LYRM4: variants seen among roughly 807,000 people sequenced by gnomAD.
LYRM4 encodes the protein LYR motif-containing protein 4.
Under a neutral mutation model 11.7 loss-of-function variants are expected in LYRM4, and 9 were observed. That is an observed-to-expected ratio of 0.77 (90% confidence interval 0.46 to 1.34). LYRM4 has a LOEUF of 1.34. LYRM4 is among the 40% of genes most tolerant of loss of function. LYRM4 has a pLI of 0.00. For missense variants in LYRM4, 133 were observed against 112.5 expected (o/e 1.18, Z -0.82); for synonymous variants, 42 against 40.4 (o/e 1.04, Z -0.15).
At chr6:5,133,241 C>T (rs546591441) in intron 2 of LYRM4, among the ~76,000 whole-genome samples, 3 of 152,258 alleles carry the variant, frequency 2.0e-5, no homozygotes, top group Admixed American at 6.5e-5. Flanking sequence ...TCAAGATGAT[C>T]GATCGTTTTC....
At chr6:5,154,803 A>C (rs1004378983) in intron 2 of LYRM4, among the ~76,000 whole-genome samples, 2 of 152,134 alleles carry the variant, frequency 1.3e-5, no homozygotes, top group African/African-American at 2.4e-5. Context: ...TGGGCGACAG[A>C]GCGAGACTCC....
At chr6:5,199,447 G>A (rs1761259155) in intron 2 of LYRM4, among the ~76,000 whole-genome samples, 1 of 152,154 alleles carries the variant, frequency 6.6e-6, no homozygotes, top group African/African-American at 2.4e-5. Context: ...AATTGATCAT[G>A]GTGATGGTTG....
chr6:5,255,197 G>A (rs1479159671), intron 1 of LYRM4, among the ~76,000 whole-genome samples: 1 of 152,200 alleles, frequency 6.6e-6, no homozygotes, highest in Non-Finnish European at 1.5e-5. Flanking sequence ...GGGGGTCTCT[G>A]AGACCTTTCA....
At chr6:5,127,148 C>T (rs1303687324) in intron 2 of LYRM4, among the ~76,000 whole-genome samples, 1 of 152,172 alleles carries the variant, frequency 6.6e-6, no homozygotes, top group Non-Finnish European at 1.5e-5. Context: ...TGGGATTTCA[C>T]CATGTTGGCC....
At chr6:5,183,776 G>C (rs1760218774) in intron 2 of LYRM4, among the ~76,000 whole-genome samples, 1 of 152,142 alleles carries the variant, frequency 6.6e-6, no homozygotes, top group Non-Finnish European at 1.5e-5. Context: ...AAATAAGAAG[G>C]CAAGCCTGAA....
chr6:5,166,362 A>G (rs576215386), intron 2 of LYRM4, among the ~76,000 whole-genome samples: 1 of 152,346 alleles, frequency 6.6e-6, no homozygotes, highest in South Asian at 2.1e-4. Context: ...TGAGTGTTTG[A>G]CAATCATTTT....
chr6:5,116,707 G>C (rs575171969), intron 2 of LYRM4, among the ~76,000 whole-genome samples: 58 of 152,298 alleles, frequency 3.8e-4, no homozygotes, highest in African/African-American at 1.4e-3. Context: ...ATTCTATTAA[G>C]TTTAGGGAGT....
At chr6:5,090,015 GAC>G in the LYRM4 span, among the ~76,000 whole-genome samples, 48 of 149,738 alleles carry the variant, frequency 3.2e-4, no homozygotes, top group African/African-American at 4.2e-4. This position sits in a 1 kb window ranked among gnomAD's most constrained non-coding sequence, Gnocchi z 4.8. Context: ...CTGAAAGGAA[GAC>G]ACACACACAC....
chr6:5,139,678 A>G (rs1034627668), intron 2 of LYRM4, among the ~76,000 whole-genome samples: 1 of 152,156 alleles, frequency 6.6e-6, no homozygotes, highest in Non-Finnish European at 1.5e-5. Flanking sequence ...TAGGCAGCCA[A>G]TTGTTCAAAC....
At chr6:5,120,457 G>T (rs769313695) in intron 2 of LYRM4, among the ~76,000 whole-genome samples, 5 of 152,164 alleles carry the variant, frequency 3.3e-5, no homozygotes, top group Non-Finnish European at 5.9e-5. Context: ...TACCGTGAGT[G>T]TTACAACTCT....
At chr6:5,145,448 CAT>C (rs1350656007) in intron 2 of LYRM4, among the ~76,000 whole-genome samples, 7 of 152,318 alleles carry the variant, frequency 4.6e-5, no homozygotes, top group African/African-American at 1.4e-4. Context: ...ATTAATAAAA[CAT>C]GTGCTTAATT....
chr6:5,142,372 A>G (rs1365719775), intron 2 of LYRM4, among the ~76,000 whole-genome samples: 1 of 152,182 alleles, frequency 6.6e-6, no homozygotes, highest in Non-Finnish European at 1.5e-5. Context: ...ATCAACCTCC[A>G]GACAGCTAAG....
chr6:5,085,421 A>T, the LYRM4 span: 4 of 1,206,804 alleles, frequency 3.3e-6, no homozygotes, highest in Non-Finnish European at 4.6e-6. Context: ...CCACGGCCCG[A>T]GGAGTTAGTT....
the LYRM4 span, chr6:5,089,158 T>C: frequency 6.6e-6 from 1 of 152,222 alleles, no homozygotes; most frequent in Admixed American, 6.5e-5. Context: ...AACTAATGAA[T>C]ACTTAATTCA....
chr6:5,260,611 G>GGCCCCC, intron 1 of LYRM4, 37 bp downstream of exon 1: 1 of 1,377,682 alleles, frequency 7.3e-7, no homozygotes, highest in Non-Finnish European at 9.8e-7. Flanking sequence ...CCGGCCCCTG[G>GGCCCCC]CCCCCCGCCC....
At chr6:5,200,281 T>C (rs1218513609) in intron 2 of LYRM4, among the ~76,000 whole-genome samples, 1 of 152,164 alleles carries the variant, frequency 6.6e-6, no homozygotes, top group Non-Finnish European at 1.5e-5. Context: ...GAATGTTAAA[T>C]AACATCTCCC....
chr6:5,180,869 A>G (rs1760031058), intron 2 of LYRM4, among the ~76,000 whole-genome samples: 1 of 152,188 alleles, frequency 6.6e-6, no homozygotes, highest in Non-Finnish European at 1.5e-5. Context: ...CTAGTGAAGT[A>G]TGTCACTCAC....
the LYRM4 span, among the ~76,000 whole-genome samples, chr6:5,071,542 A>ATATGTG: frequency 1.3e-5 from 2 of 150,314 alleles, no homozygotes; most frequent in Admixed American, 6.6e-5. Context: ...TTATATATAT[A>ATATGTG]TGTGTGTGTG....
intron 2 of LYRM4, among the ~76,000 whole-genome samples, chr6:5,110,447 C>G (rs540180722): frequency 9.9e-5 from 15 of 152,284 alleles, no homozygotes; most frequent in African/African-American, 3.6e-4. Flanking sequence ...CACCAAGGAC[C>G]GCCGCGCCGT....
Sources: allele counts gnomAD v4.1 joint callset (sites outside exome capture counted in the v4.1 genomes callset), GRCh38; gene constraint gnomAD v4.1.1; non-coding constraint Gnocchi (gnomAD v3.1); transcripts MANE v1.5; gene names NCBI Gene and HGNC (gene_info 2026-07-23, HGNC 2026-07-21).